RNF146: variants seen among roughly 807,000 people sequenced by gnomAD.
RNF146 encodes the protein ring finger protein 146.
RNF146 carries 11 observed loss-of-function variants against 29.7 expected under a neutral mutation model. That is an observed-to-expected ratio of 0.37 (90% CI 0.23 to 0.61). RNF146 has a LOEUF of 0.61. RNF146 is among the 20% of genes least tolerant of loss of function. The pLI, the probability that RNF146 is intolerant of heterozygous loss-of-function variation, is 0.66. For missense variants in RNF146, 342 were observed against 438.9 expected (o/e 0.78, Z 1.97); for synonymous variants, 150 against 159.7 (o/e 0.94, Z 0.46).
intron 1 of RNF146, among the ~76,000 whole-genome samples, chr6:127,277,812 C>A (rs1186959569): frequency 6.6e-6 from 1 of 152,102 alleles, no homozygotes; most frequent in Non-Finnish European, 1.5e-5. Context: ...CAGACACACC[C>A]AGGATCAATA....
chr6:127,266,927 T>G lies in RNF146; in HGVS notation c.-109+2T>G, dbSNP rs1776685377. On this transcript the variant is annotated splice_donor_variant, in intron 1 of 2. Coordinates refer to ENST00000368314, the MANE Select transcript of RNF146 (RefSeq NM_001242850.2). LOFTEE classifies it low-confidence loss of function (5UTR_SPLICE). ...GTGGCCGCAGCTGTGGCCGGAGAGGTGGGAGTCGGAGCGAGGCCCTCTCGG... is the reference window on the plus strand; with the variant it reads ...GTGGCCGCAGCTGTGGCCGGAGAGGGGGGAGTCGGAGCGAGGCCCTCTCGG... 1 of 148,020 alleles carries G rather than the reference T, an allele frequency of 6.8e-6. No individual in the cohort carries two copies. The allele number at this position is 148,020 out of a possible 1,614,324, so 9.2% of individuals were successfully genotyped here.
Position 127,287,338 on chromosome 6 carries a change from C to T in RNF146, c.725C>T (p.Ser242Phe). The T allele has an allele frequency of 6.2e-7, 1 of 1,613,466 alleles. No individual in the cohort carries two copies. The highest frequency in any genetic ancestry group is 8.5e-7 in the Non-Finnish European group (1 of 1,179,640). Reference protein sequence around the residue: ...PATPSPDASTSLEDSFAHLQL... With the variant: ...PATPSPDASTFLEDSFAHLQL... ...ACACCATCCCCTGATGCAAGCACTT[C>T]TCTGGAAGACTCTTTTGCTCATTTA... Residue 242 changes from serine (S) to phenylalanine (F), a missense_variant, in exon 3 of 3, where the codon TCT (serine) becomes TTT (phenylalanine). This residue lies in a region of RNF146 where 196 missense variants were observed against 208.9 expected (regional missense o/e 0.94). Coordinates refer to ENST00000368314, the MANE Select transcript of RNF146 (RefSeq NM_001242850.2).
intron 2 of RNF146, among the ~76,000 whole-genome samples, chr6:127,283,640 ATCTT>A (rs569055961): frequency 1.3e-5 from 2 of 151,826 alleles, no homozygotes; most frequent in Non-Finnish European, 2.9e-5. Flanking sequence ...TTTTATCTCT[ATCTT>A]ACTTATTGCA....
At position 127,287,309 on chromosome 6, in the gene RNF146, T is replaced by G. The variant is rs1172649167; in HGVS notation, c.696T>G (p.Pro232=). The G allele has an allele frequency of 6.2e-7, 1 of 1,613,470 alleles. No individual in the cohort carries two copies. The highest frequency in any genetic ancestry group is 8.5e-7 in the Non-Finnish European group (1 of 1,179,650). The change falls in exon 3 of 3, where the codon CCT becomes CCG. Residue 232 remains proline, a synonymous_variant. Coordinates refer to ENST00000368314, the MANE Select transcript of RNF146 (RefSeq NM_001242850.2). ...LTSVDGQLTS[P]ATPSPDASTS... is the part of the protein sequence containing the mutation. ...CAGTAGATGGTCAGTTAACAAGCCCTGCAACACCATCCCCTGATGCAAGCA... is the reference window on the plus strand; with the variant it reads ...CAGTAGATGGTCAGTTAACAAGCCCGGCAACACCATCCCCTGATGCAAGCA...
At chr6:127,267,586 C>T (rs538323723) in intron 1 of RNF146, among the ~76,000 whole-genome samples, 66 of 152,266 alleles carry the variant, frequency 4.3e-4, no homozygotes, top group African/African-American at 1.5e-3. Flanking sequence ...TCTCTTCTCT[C>T]GCTCTTCCTC....
chr6:127,267,471 T>C (rs1776813055), intron 1 of RNF146, among the ~76,000 whole-genome samples: 1 of 152,198 alleles, frequency 6.6e-6, no homozygotes, highest in Non-Finnish European at 1.5e-5. Flanking sequence ...GCCTGCTCCA[T>C]GTTTTCCCGT....
Position 127,287,794 on chromosome 6 carries a change from T to G in RNF146, c.*101T>G. 1.3e-6 allele frequency: 1 copy of G among 746,106 alleles called. No individual in the cohort carries two copies. Among genetic ancestry groups the G allele is most frequent in the East Asian group, 2.5e-5 (1 of 40,062 alleles). The allele number at this position is 746,106 out of a possible 1,614,324, so 46.2% of individuals were successfully genotyped here. A position where few individuals can be genotyped will look rare whatever the true frequency, so the allele number is the denominator to read the frequency against. On this transcript the variant is annotated 3_prime_UTR_variant, in exon 3 of 3. Transcript: ENST00000368314. The stretch of plus-strand genomic sequence containing the variant: ...ATCCCTAGTAGTGCATTTTGGGAGT[T>G]GGGGTGGGAAGGGGTATGGGAAGGA...
At chr6:127,273,050 A>T (rs1777716381) in intron 1 of RNF146, among the ~76,000 whole-genome samples, 1 of 109,804 alleles carries the variant, frequency 9.1e-6, no homozygotes, top group Non-Finnish European at 2.0e-5. Flanking sequence ...AGGTAATTTA[A>T]CTTCTTGTAA....
In RNF146 at chr6:127,280,422, C is replaced by A; in HGVS notation, c.2+82C>A. The A allele has an allele frequency of 2.7e-6, 4 of 1,461,220 alleles. No homozygotes were observed. In the South Asian group the frequency reaches 5.3e-5, roughly 19 times the overall value. The allele number at this position is 1,461,220 out of a possible 1,614,324, so 90.5% of individuals were successfully genotyped here. A position where few individuals can be genotyped will look rare whatever the true frequency, so the allele number is the denominator to read the frequency against. On this transcript the variant is annotated intron_variant, in intron 2 of 2. Transcript: ENST00000368314. The stretch of plus-strand genomic sequence containing the variant: ...AACGTGTGGTAAATTGAGTATCTGT[C>A]ATATGTAGTTTTAATTATATTAAAT...
chr6:127,277,417 A>G (rs9482782), intron 1 of RNF146, among the ~76,000 whole-genome samples: 2,451 of 152,152 alleles, frequency 0.016, 44 homozygotes, highest in Middle Eastern at 0.054. Context: ...GTCAGAGTAA[A>G]ACAAAAAGGT....
rs1778752108 is a variant in RNF146, at chr6:127,280,227, G to T, written c.-108-4G>T. 3 of 987,914 alleles carry T rather than the reference G, an allele frequency of 3.0e-6. No homozygotes were observed. The highest frequency in any genetic ancestry group is 3.3e-5 in the African/African-American group (2 of 60,222). 61.2% of individuals were successfully genotyped at this position (987,914 alleles called of 1,614,324 possible). On this transcript the variant is annotated splice_polypyrimidine_tract_variant and splice_region_variant and intron_variant, in intron 1 of 2. Transcript: ENST00000368314. ...ATCTTAATTACTCTTTTTTTCTTTT[G>T]CAGCACAAAGAATGAACCAGCAGTG...
At chr6:127,272,862 G>T (rs1304359607) in intron 1 of RNF146, among the ~76,000 whole-genome samples, 1 of 152,144 alleles carries the variant, frequency 6.6e-6, no homozygotes, top group African/African-American at 2.4e-5. Context: ...CACGTTGTTT[G>T]TTATATGCAT....
intron 1 of RNF146, among the ~76,000 whole-genome samples, chr6:127,267,280 C>T (rs1033289361): frequency 2.6e-5 from 4 of 152,096 alleles, no homozygotes; most frequent in East Asian, 1.9e-4. Context: ...GAGCTGGTCT[C>T]GGTCCGGGTG....
intron 1 of RNF146, among the ~76,000 whole-genome samples, chr6:127,276,388 G>A (rs770654841): frequency 6.6e-6 from 1 of 151,932 alleles, no homozygotes; most frequent in Non-Finnish European, 1.5e-5. Context: ...GGGAGCAGGG[G>A]GCTGTGTGGT....
chr6:127,285,069 T>A (rs971631293), intron 2 of RNF146: 1 of 374,792 alleles, frequency 2.7e-6, no homozygotes. Flanking sequence ...AAGGAATTGA[T>A]TGGAAATGTT....
At chr6:127,269,052 G>C (rs1395737786) in intron 1 of RNF146, among the ~76,000 whole-genome samples, 1 of 152,186 alleles carries the variant, frequency 6.6e-6, no homozygotes, top group African/African-American at 2.4e-5. Context: ...AGAAGGTACT[G>C]AGCCTTTTCC....
At chr6:127,279,258 A>G (rs1310781674) in intron 1 of RNF146, among the ~76,000 whole-genome samples, 4 of 151,766 alleles carry the variant, frequency 2.6e-5, no homozygotes, top group East Asian at 3.9e-4. Context: ...TTTATTTCTT[A>G]TATTTAGGTT....
Position 127,286,370 on chromosome 6 carries a change from AG to A in RNF146, c.3-243del. On this transcript the variant is annotated intron_variant, in intron 2 of 2. Coordinates refer to ENST00000368314, the MANE Select transcript of RNF146 (RefSeq NM_001242850.2). The surrounding 1 kb of genome is among the most constrained non-coding windows in gnomAD (Gnocchi z 4.6). ...ATATAGTTCTTCAGTGTGTTTCTCC[AG>A]GGCTGATCTGTTAAGTGCACTGATG... The A allele has an allele frequency of 6.6e-6, 4 of 606,690 alleles. No individual in the cohort carries two copies. The highest frequency in any genetic ancestry group is 1.1e-5 in the Non-Finnish European group (4 of 377,796). 37.6% of individuals were successfully genotyped at this position (606,690 alleles called of 1,614,324 possible). A position where few individuals can be genotyped will look rare whatever the true frequency, so the allele number is the denominator to read the frequency against.
Position 127,287,553 on chromosome 6 carries a change from T to G in RNF146, c.940T>G (p.Leu314Val), listed in dbSNP as rs1198693710. Residue 314 changes from leucine to valine, a missense_variant, in exon 3 of 3, where the codon TTG (leucine) becomes GTG (valine). Physicochemically the swap from Leu to Val is conservative, Grantham distance 32. This residue lies in a region of RNF146 where 196 missense variants were observed against 208.9 expected (regional missense o/e 0.94). Transcript: ENST00000368314. ...GCACTCCTTGACCCAACAGAGACTT[T>G]TGGTTTCTAATGCAAACCAGACAGT... Reference protein sequence around the residue: ...AQHSLTQQRLLVSNANQTVPD... With the variant: ...AQHSLTQQRLVVSNANQTVPD... 1 of 1,613,112 alleles carries G rather than the reference T, an allele frequency of 6.2e-7. No homozygotes were observed. The highest frequency in any genetic ancestry group is 8.5e-7 in the Non-Finnish European group (1 of 1,179,478).
Sources: allele counts gnomAD v4.1 joint callset (sites outside exome capture counted in the v4.1 genomes callset), GRCh38; gene constraint gnomAD v4.1.1; regional missense constraint gnomAD v4.1.1; non-coding constraint Gnocchi (gnomAD v3.1); transcripts MANE v1.5; gene names NCBI Gene and HGNC (gene_info 2026-07-23, HGNC 2026-07-21).